The following DBNDD2 variants were observed in gnomAD, a reference collection of about 807,000 sequenced individuals.
The protein encoded by DBNDD2 is dysbindin domain containing 2, also known as dysbindin domain-containing protein 2.
In DBNDD2, 8 loss-of-function variants were observed where a neutral mutation model predicts 14.0. The observed-to-expected ratio is 0.57, with a 90% confidence interval of 0.33 to 1.03. The LOEUF is 1.03. DBNDD2 is among the 50% of genes least tolerant of loss of function. DBNDD2 has a pLI of 0.03. For missense variants in DBNDD2, 194 were observed against 206.0 expected, an observed-to-expected ratio of 0.94 and a Z score of 0.36; for synonymous variants, 94 against 85.3, an observed-to-expected ratio of 1.10 and a Z score of -0.56.
upstream of DBNDD2, chr20:45,408,001 G>T: frequency 7.0e-7 from 1 of 1,420,484 alleles, no homozygotes; most frequent in Non-Finnish European, 9.2e-7. Flanking sequence ...GGAAGGGGTG[G>T]GCTGCAGCAC....
chr20:45,410,170 G>A lies in DBNDD2; in HGVS notation c.*30G>A, dbSNP rs367788273. ...GGGCCCCTGCCTACAGACTGACCAC[G>A]CTGGCTATTCTCCACATGAGACCAC... On this transcript the variant is annotated 3_prime_UTR_variant, in exon 3 of 3. Transcript: ENST00000372710. The A allele has an allele frequency of 1.3e-4, 195 of 1,550,592 alleles. 1 individual carries two copies. The African/African-American group carries it at 1.3e-3, about 11-fold the overall frequency.
chr20:45,409,895 C>T (rs1016651014), intron 2 of DBNDD2, 37 bp from the exon 3 acceptor site: 10 of 1,547,946 alleles, frequency 6.5e-6, no homozygotes, highest in Non-Finnish European at 8.7e-6. Context: ...TCTCTGAAGC[C>T]CTGTTTGTGG....
chr20:45,406,201 G>C, upstream of DBNDD2: 1 of 484,116 alleles, frequency 2.1e-6, no homozygotes, highest in Non-Finnish European at 3.7e-6. Flanking sequence ...CTCTGGAGAA[G>C]TGCGCGCGTG....
chr20:45,408,770 C>T (rs1164880338), intron 1 of DBNDD2, 31 bp from the exon 2 acceptor site: 2 of 1,606,108 alleles, frequency 1.2e-6, no homozygotes, highest in Admixed American at 1.7e-5. Flanking sequence ...CAGCTTGGGT[C>T]CTCCTGACTT....
chr20:45,409,379 T>C (rs1320288936), intron 2 of DBNDD2, among the ~76,000 whole-genome samples: 5 of 152,206 alleles, frequency 3.3e-5, no homozygotes, highest in Non-Finnish European at 7.3e-5. Flanking sequence ...TGATATAATC[T>C]CTATTTTATA....
At position 45,410,085 on chromosome 20, in the gene DBNDD2, C is replaced by T. The variant is rs374582383; in HGVS notation, c.431C>T (p.Ser144Leu). 61 of 1,554,208 alleles carry T rather than the reference C, an allele frequency of 3.9e-5. No individual in the cohort carries two copies. The highest frequency in any genetic ancestry group is 4.9e-5 in the Non-Finnish European group (56 of 1,148,354). The change falls in exon 3 of 3, where the codon TCG becomes TTG. Residue 144 changes from serine (S) to leucine (L), a missense_variant. By Grantham distance (145) the Ser-to-Leu change is moderately radical. Transcript: ENST00000372710. ...DDGADTPLAQ[S>L]DEEEERGDGG... ...GGAGCAGATACGCCCTTGGCACAGT[C>T]GGATGAAGAGGAGGAAAGGGGTGAT... is the stretch of plus-strand genomic sequence containing the variant.
intron 2 of DBNDD2, 76 bp from the exon 3 acceptor site, chr20:45,409,856 T>C (rs1421142873): frequency 1.4e-6 from 2 of 1,467,802 alleles, no homozygotes; most frequent in Non-Finnish European, 1.9e-6. Context: ...TGGACTTTAG[T>C]TACTCCTGGC....
At position 45,410,441 on chromosome 20, in the gene DBNDD2, C is replaced by A; in HGVS notation, c.*301C>A. 1 of 409,448 alleles carries A rather than the reference C, an allele frequency of 2.4e-6. No individual in the cohort carries two copies. The highest frequency in any genetic ancestry group is 4.6e-6 in the Non-Finnish European group (1 of 217,478). The allele number at this position is 409,448 out of a possible 1,614,324, so 25.4% of individuals were successfully genotyped here. A position where few individuals can be genotyped will look rare whatever the true frequency, so the allele number is the denominator to read the frequency against. On this transcript the variant is annotated 3_prime_UTR_variant, in exon 3 of 3. Transcript: ENST00000372710. ...TGCTTTTCTTAGCACTCTTCCCTCC[C>A]CTAAACCATCCCGTAGTCTTCTAAT... is the stretch of plus-strand genomic sequence containing the variant.
In DBNDD2 at chr20:45,410,287, T is replaced by A. The variant is rs1989776254; in HGVS notation, c.*147T>A. On this transcript the variant is annotated 3_prime_UTR_variant, in exon 3 of 3. Transcript: ENST00000372710. The stretch of plus-strand genomic sequence containing the variant: ...AGGATGGTGGGATTGTGTACCTTTC[T>A]AAGAATTAACCCTCTCCTGCTTTAC... The A allele has an allele frequency of 1.1e-6, 1 of 897,978 alleles. No homozygotes were observed. The highest frequency in any genetic ancestry group is 1.7e-6 in the Non-Finnish European group (1 of 601,170). 55.6% of individuals were successfully genotyped at this position (897,978 alleles called of 1,614,324 possible).
Position 45,410,213 on chromosome 20 carries a change from G to C in DBNDD2, c.*73G>C. 1.3e-6 allele frequency: 2 copies of C among 1,497,138 alleles called. No homozygotes were observed. Among genetic ancestry groups the C allele is most frequent in the Non-Finnish European group, 1.8e-6 (2 of 1,103,626 alleles). 92.7% of individuals were successfully genotyped at this position (1,497,138 alleles called of 1,614,324 possible). A position where few individuals can be genotyped will look rare whatever the true frequency, so the allele number is the denominator to read the frequency against. ...GAGACCACAGGCCCAGCCAGAGCCT[G>C]TCGGGAGAAGACCAGACTCTTTACT... On this transcript the variant is annotated 3_prime_UTR_variant, in exon 3 of 3. Coordinates refer to ENST00000372710, the MANE Select transcript of DBNDD2 (RefSeq NM_001048225.4).
At chr20:45,407,629 T>C (rs1011272228), upstream of DBNDD2, 3 of 988,658 alleles carry the variant, frequency 3.0e-6, no homozygotes, top group Non-Finnish European at 3.6e-6. Flanking sequence ...AGAACCCGCC[T>C]TTCCAATTGC....
upstream of DBNDD2, chr20:45,407,970 T>A (rs1436847186): frequency 3.6e-6 from 5 of 1,398,554 alleles, no homozygotes; most frequent in Admixed American, 2.9e-5. Context: ...GCTTTAGCCT[T>A]TGTCTGGGTT....
Position 45,410,077 on chromosome 20 carries a change from G to A in DBNDD2, c.423G>A (p.Leu141=). The part of the protein sequence containing the change: ...NPSDDGADTP[L]AQSDEEEERG... The stretch of plus-strand genomic sequence containing the variant: ...GTGATGATGGAGCAGATACGCCCTT[G>A]GCACAGTCGGATGAAGAGGAGGAAA... Residue 141 remains leucine, a synonymous_variant, in exon 3 of 3, where the codon TTG becomes TTA. Coordinates refer to ENST00000372710, the MANE Select transcript of DBNDD2 (RefSeq NM_001048225.4). 1.3e-6 allele frequency: 2 copies of A among 1,554,918 alleles called. No individual in the cohort carries two copies. Among genetic ancestry groups the A allele is most frequent in the Non-Finnish European group, 1.7e-6 (2 of 1,148,620 alleles).
upstream of DBNDD2, chr20:45,406,506 G>A (rs991116335): frequency 9.2e-6 from 14 of 1,527,422 alleles, no homozygotes; most frequent in Admixed American, 4.0e-5. Flanking sequence ...CGCGCTCGCA[G>A]GGGCTGCCTC....
chr20:45,408,996 T>C, intron 2 of DBNDD2, 58 bp downstream of exon 2: 1 of 1,613,992 alleles, frequency 6.2e-7, no homozygotes, highest in Admixed American at 1.7e-5. Flanking sequence ...GATGTCAGGC[T>C]CTGAAACGAG....
upstream of DBNDD2, chr20:45,406,800 G>A (rs1478638266): frequency 3.2e-6 from 4 of 1,246,288 alleles, no homozygotes; most frequent in East Asian, 1.0e-4. Flanking sequence ...AGCACGAGGG[G>A]AACGGCCTTG....
At chr20:45,409,224 T>C (rs1989692750) in intron 2 of DBNDD2, among the ~76,000 whole-genome samples, 1 of 152,224 alleles carries the variant, frequency 6.6e-6, no homozygotes, top group Admixed American at 6.5e-5. Context: ...TAATGTAAAA[T>C]TGTAATTTTT....
chr20:45,407,492 A>T, upstream of DBNDD2: 3 of 985,866 alleles, frequency 3.0e-6, no homozygotes, highest in Non-Finnish European at 3.6e-6. Flanking sequence ...TCAGAGCAGA[A>T]CGCCGGGAAG....
upstream of DBNDD2, chr20:45,406,199 A>C: frequency 2.7e-4 from 115 of 431,090 alleles, no homozygotes; most frequent in Middle Eastern, 6.5e-4. Flanking sequence ...TCCTCTGGAG[A>C]AGTGCGCGCG....
Sources: allele counts gnomAD v4.1 joint callset (sites outside exome capture counted in the v4.1 genomes callset), GRCh38; gene constraint gnomAD v4.1.1; transcripts MANE v1.5; gene names NCBI Gene and HGNC (gene_info 2026-07-23, HGNC 2026-07-21).